Variants in CNTN5 observed in about 807,000 individuals in gnomAD.
The protein encoded by CNTN5 is contactin-5.
Under a neutral mutation model 129.1 loss-of-function variants are expected in CNTN5, and 77 were observed. The observed-to-expected ratio is 0.60, with a 90% CI of 0.50 to 0.72. The LOEUF is 0.72. Among genes scored for constraint, CNTN5 ranks in the 30% least tolerant of loss-of-function variants. CNTN5 has a pLI of 0.00. For missense variants in CNTN5, 1,478 were observed against 1,328.8 expected, an observed-to-expected ratio of 1.11 and a Z score of -1.75; for synonymous variants, 509 against 465.6, an observed-to-expected ratio of 1.09 and a Z score of -1.20.
intron 6 of CNTN5, among the ~76,000 whole-genome samples, chr11:99,868,473 G>C (rs1454982215): frequency 6.6e-6 from 1 of 152,152 alleles, no homozygotes; most frequent in Non-Finnish European, 1.5e-5. Flanking sequence ...GCTTGGCCAA[G>C]GTTTCCTGGG....
intron 3 of CNTN5, among the ~76,000 whole-genome samples, chr11:99,746,043 T>C (rs1944045699): frequency 6.6e-6 from 1 of 152,194 alleles, no homozygotes. Flanking sequence ...CTTGGCTCTT[T>C]TAAGATCAGA....
At chr11:99,505,270 T>A (rs375429422) in intron 2 of CNTN5, among the ~76,000 whole-genome samples, 4 of 152,310 alleles carry the variant, frequency 2.6e-5, no homozygotes, top group African/African-American at 9.6e-5. Context: ...AAAAAAGACA[T>A]GCTGACACAA....
At chr11:99,918,037 A>T (rs1316141934) in intron 7 of CNTN5, among the ~76,000 whole-genome samples, 1 of 152,120 alleles carries the variant, frequency 6.6e-6, no homozygotes, top group East Asian at 1.9e-4. Flanking sequence ...TCTGAACAGC[A>T]TCCACTGTCT....
At chr11:99,342,044 G>A (rs1013948214) in intron 2 of CNTN5, among the ~76,000 whole-genome samples, 59 of 152,010 alleles carry the variant, frequency 3.9e-4, no homozygotes, top group African/African-American at 1.3e-3. Context: ...AAAATAATAA[G>A]CTATCTAACA....
chr11:99,889,311 TG>T (rs1948986184), intron 6 of CNTN5, among the ~76,000 whole-genome samples: 1 of 110,844 alleles, frequency 9.0e-6, no homozygotes, highest in Non-Finnish European at 2.0e-5. Context: ...TGTGTGTGTG[TG>T]TGTGTGTGTG....
Position 100,088,083 on chromosome 11 carries a change from C to T in CNTN5, c.1580+13789C>T, listed in dbSNP as rs552444431. ...GAAATAAATGAAGAGACACAACACACCAAAATCTCTAAGATGCAAATAAGC... is the reference window on the plus strand; with the variant it reads ...GAAATAAATGAAGAGACACAACACATCAAAATCTCTAAGATGCAAATAAGC... On this transcript the variant is annotated intron_variant, in intron 13 of 24. Transcript: ENST00000524871. Among the ~76,000 whole-genome samples the T allele has an allele frequency of 6.6e-5, 10 of 151,462 alleles. No homozygotes were observed. In the South Asian group the frequency reaches 1.9e-3, roughly 28 times the overall value.
chr11:100,069,210 T>C (rs75093961), intron 10 of CNTN5, among the ~76,000 whole-genome samples: 15,376 of 152,182 alleles, frequency 0.1, 899 homozygotes, highest in East Asian at 0.18. Flanking sequence ...TGGAATGCAA[T>C]AGCATGATCA....
chr11:100,074,809 G>A (rs1220159477), intron 13 of CNTN5, among the ~76,000 whole-genome samples: 1 of 152,144 alleles, frequency 6.6e-6, no homozygotes, highest in African/African-American at 2.4e-5. Flanking sequence ...GAAGTGAGCA[G>A]AGGAATATTT....
chr11:99,390,540 G>C (rs1312673847), intron 2 of CNTN5, among the ~76,000 whole-genome samples: 1 of 152,102 alleles, frequency 6.6e-6, no homozygotes, highest in East Asian at 1.9e-4. Context: ...ACTTAAAATA[G>C]TTGGACTTCA....
intron 3 of CNTN5, among the ~76,000 whole-genome samples, chr11:99,790,040 G>C (rs1452673688): frequency 6.6e-6 from 1 of 151,978 alleles, no homozygotes; most frequent in Non-Finnish European, 1.5e-5. Context: ...TTGGTTTTCT[G>C]TTGCTGTGTT....
chr11:100,191,133 A>T lies in CNTN5; in HGVS notation c.1588A>T (p.Ile530Phe). The T allele has an allele frequency of 6.3e-7, 1 of 1,587,872 alleles. No homozygotes were observed. Among genetic ancestry groups the T allele is most frequent in the Non-Finnish European group, 8.6e-7 (1 of 1,168,802 alleles). Residue 530 changes from isoleucine to phenylalanine, a missense_variant, in exon 14 of 25, where the codon ATT (isoleucine) becomes TTT (phenylalanine). Transcript: ENST00000524871. ...RAVRENKRIAILPDGSLRILN... is the reference protein window; with the variant it reads ...RAVRENKRIAFLPDGSLRILN... ...TTTTTAAATAATTTTCAGAATAGCT[A>T]TTCTTCCAGACGGGAGTCTACGGAT... is the stretch of plus-strand genomic sequence containing the variant.
At chr11:99,272,182 C>A (rs571400209) in intron 1 of CNTN5, among the ~76,000 whole-genome samples, 1 of 151,798 alleles carries the variant, frequency 6.6e-6, no homozygotes, top group African/African-American at 2.4e-5. Flanking sequence ...TAACTGGCTG[C>A]GTCACATTTT....
chr11:99,974,603 T>G (rs2137322190), intron 8 of CNTN5, among the ~76,000 whole-genome samples: 1 of 152,306 alleles, frequency 6.6e-6, no homozygotes, highest in East Asian at 1.9e-4. Flanking sequence ...CCATCAAATT[T>G]ATGAAACTAG....
chr11:99,350,195 T>C (rs191854770), intron 2 of CNTN5, among the ~76,000 whole-genome samples: 163 of 152,316 alleles, frequency 1.1e-3, no homozygotes, highest in Admixed American at 1.6e-3. Flanking sequence ...CCTTCCCTAG[T>C]ATTTTTTTCA....
intron 16 of CNTN5, among the ~76,000 whole-genome samples, chr11:100,254,199 C>A (rs1412634987): frequency 6.6e-6 from 1 of 152,140 alleles, no homozygotes; most frequent in Non-Finnish European, 1.5e-5. Context: ...TAGTACTATT[C>A]TAGAATATTT....
chr11:99,924,432 T>C (rs1950014453), intron 7 of CNTN5, among the ~76,000 whole-genome samples: 1 of 152,176 alleles, frequency 6.6e-6, no homozygotes, highest in Admixed American at 6.5e-5. Context: ...TGATCAGAGA[T>C]AGGGATCCAA....
rs1031657451 is a variant in CNTN5, at chr11:99,876,478, C to T, written c.577+31216C>T. The stretch of plus-strand genomic sequence containing the variant: ...CATGAGCCCTATTTAGCTTCTTTCT[C>T]ATGATCCAGCCGCACTATATGTACC... On this transcript the variant is annotated intron_variant, in intron 6 of 24. Coordinates refer to ENST00000524871, the MANE Select transcript of CNTN5 (RefSeq NM_014361.4). Among the ~76,000 whole-genome samples, 7 of 152,238 alleles carry T rather than the reference C, an allele frequency of 4.6e-5. No individual in the cohort carries two copies. In the South Asian group the frequency reaches 6.2e-4, roughly 14 times the overall value.
chr11:100,122,860 C>T (rs1946073096), intron 13 of CNTN5, among the ~76,000 whole-genome samples: 1 of 152,012 alleles, frequency 6.6e-6, no homozygotes, highest in Non-Finnish European at 1.5e-5. Context: ...CATGTTAACT[C>T]TCCCTACTGT....
chr11:99,291,219 A>G (rs559604128), intron 1 of CNTN5, among the ~76,000 whole-genome samples: 1 of 152,068 alleles, frequency 6.6e-6, no homozygotes, highest in Non-Finnish European at 1.5e-5. Flanking sequence ...GCACAGATTA[A>G]TGTTTCTGTT....
Sources: allele counts gnomAD v4.1 joint callset (sites outside exome capture counted in the v4.1 genomes callset), GRCh38; gene constraint gnomAD v4.1.1; transcripts MANE v1.5; gene names NCBI Gene and HGNC (gene_info 2026-07-23, HGNC 2026-07-21).